The following CEMIP variants were observed in gnomAD, a reference collection of about 807,000 sequenced individuals.
CEMIP encodes cell migration-inducing and hyaluronan-binding protein.
CEMIP carries 105 observed loss-of-function variants against 156.9 expected under a neutral mutation model. That is an observed-to-expected ratio of 0.67 (90% confidence interval 0.57 to 0.79). The LOEUF is 0.79. Among genes scored for constraint, CEMIP ranks in the 30% least tolerant of loss-of-function variants. The pLI, the probability that CEMIP is intolerant of heterozygous loss-of-function variation, is 0.00. For missense variants in CEMIP, 1,457 were observed against 1,769.4 expected, an observed-to-expected ratio of 0.82 and a Z score of 3.17; for synonymous variants, 676 against 668.4, an observed-to-expected ratio of 1.01 and a Z score of -0.17.
At chr15:80,918,251 G>C (rs1010462522) in intron 14 of CEMIP, among the ~76,000 whole-genome samples, 1 of 152,008 alleles carries the variant, frequency 6.6e-6, no homozygotes, top group African/African-American at 2.4e-5. Context: ...CTCCAGCCTA[G>C]GCAACAGAGC....
intron 12 of CEMIP, among the ~76,000 whole-genome samples, chr15:80,900,473 C>G (rs1451403312): frequency 4.6e-5 from 7 of 152,114 alleles, no homozygotes; most frequent in African/African-American, 1.7e-4. Context: ...ACCTCCCTCC[C>G]TGAAGGACAT....
intron 12 of CEMIP, chr15:80,896,424 C>A: frequency 2.1e-6 from 1 of 478,720 alleles, no homozygotes; most frequent in East Asian, 6.2e-5. Context: ...CATTCTCACA[C>A]ATTCCATTGG....
chr15:80,931,102 G>A (rs1900895858), intron 21 of CEMIP, among the ~76,000 whole-genome samples: 3 of 152,162 alleles, frequency 2.0e-5, no homozygotes, highest in African/African-American at 7.2e-5. Flanking sequence ...TTCTTGTCCA[G>A]TCTCTCCTAC....
intron 1 of CEMIP, among the ~76,000 whole-genome samples, chr15:80,794,212 AT>A (rs1323736508): frequency 2.0e-5 from 3 of 152,182 alleles, no homozygotes; most frequent in Admixed American, 1.3e-4. Flanking sequence ...CAAATCAGAA[AT>A]TTCTCCCTCA....
intron 19 of CEMIP, among the ~76,000 whole-genome samples, chr15:80,928,534 G>A (rs1900780996): frequency 6.6e-6 from 1 of 152,190 alleles, no homozygotes; most frequent in South Asian, 2.1e-4. Context: ...TGCTGGTCCT[G>A]AGAGCGGAAG....
chr15:80,936,832 C>T lies in CEMIP; in HGVS notation c.3168C>T (p.His1056=). 1.9e-6 allele frequency: 3 copies of T among 1,614,188 alleles called. No homozygotes were observed. Among genetic ancestry groups the T allele is most frequent in the Non-Finnish European group, 1.7e-6 (2 of 1,180,044 alleles). The change falls in exon 24 of 30, where the codon CAC becomes CAT. Residue 1056 remains histidine, a synonymous_variant. Transcript: ENST00000394685. ...CCCTGCAGAAGGGCTACACCATCCA[C>T]TGGGACCAGACGGCCCCCGCCGAAC... is the stretch of plus-strand genomic sequence containing the variant. The part of the protein sequence containing the change: ...VVTLQKGYTI[H]WDQTAPAELA...
chr15:80,800,469 A>G (rs1376480064), intron 1 of CEMIP, among the ~76,000 whole-genome samples: 2 of 152,154 alleles, frequency 1.3e-5, no homozygotes, highest in East Asian at 1.9e-4. Context: ...ACGTCTTCCC[A>G]CAGCTGGGGT....
At chr15:80,876,300 G>A (rs905978376) in intron 3 of CEMIP, among the ~76,000 whole-genome samples, 3 of 152,170 alleles carry the variant, frequency 2.0e-5, no homozygotes, top group African/African-American at 4.8e-5. Flanking sequence ...CCAGCAGTGG[G>A]TTTCACAGCC....
In CEMIP at chr15:80,906,971, G is replaced by T; in HGVS notation, c.1587+133G>T. ...GGGATCAAGGGGAGGGCGCCTTCTG[G>T]AAGTTTGAGAAGTCTTATGTATTAT... On this transcript the variant is annotated intron_variant, in intron 13 of 29. Transcript: ENST00000394685. The surrounding 1 kb of genome is among the most constrained non-coding windows in gnomAD (Gnocchi z 4.3). 2 of 890,904 alleles carry T rather than the reference G, an allele frequency of 2.2e-6. No individual in the cohort carries two copies. Among genetic ancestry groups the T allele is most frequent in the Non-Finnish European group, 3.6e-6 (2 of 558,248 alleles). 55.2% of individuals were successfully genotyped at this position (890,904 alleles called of 1,614,324 possible). A position where few individuals can be genotyped will look rare whatever the true frequency, so the allele number is the denominator to read the frequency against.
chr15:80,889,551 G>T lies in CEMIP; in HGVS notation c.1045G>T (p.Ala349Ser). ...GGAGAAAATTTCAGACCTCTGGAAA[G>T]CTCACCCAGGAAAAATATGCAATCG... ...GGEKISDLWKAHPGKICNRPI... is the reference protein window; with the variant it reads ...GGEKISDLWKSHPGKICNRPI... The change falls in exon 10 of 30, where the codon GCT becomes TCT. Residue 349 changes from alanine to serine, a missense_variant. By Grantham distance (99) the Ala-to-Ser change is moderately conservative. Around this residue, in one of 5 missense-constraint regions of CEMIP, gnomAD observed 280 missense variants for 300.3 expected, o/e 0.93. Transcript: ENST00000394685. 6.2e-7 allele frequency: 1 copy of T among 1,614,190 alleles called. No homozygotes were observed. The highest frequency in any genetic ancestry group is 1.7e-5 in the Admixed American group (1 of 60,026).
intron 24 of CEMIP, among the ~76,000 whole-genome samples, chr15:80,937,137 A>G (rs746916389): frequency 5.9e-5 from 9 of 152,202 alleles, no homozygotes; most frequent in Non-Finnish European, 1.3e-4. Flanking sequence ...AGTTGAGGAT[A>G]GTATTACCTT....
chr15:80,823,858 G>T (rs1896965990), intron 1 of CEMIP, among the ~76,000 whole-genome samples: 1 of 152,210 alleles, frequency 6.6e-6, no homozygotes, highest in Admixed American at 6.5e-5. Flanking sequence ...CCCAACAGAA[G>T]GCCAGGTGTG....
At position 80,947,044 on chromosome 15, in the gene CEMIP, G is replaced by C. The variant is rs1332108272; in HGVS notation, c.3937G>C (p.Asp1313His). ...CAGAGTGCTGGAAAAGCTTGGGGCA[G>C]ACAGGGGTCTCAAGTTGAAAGGTAA... The part of the protein sequence containing the change: ...WTRVLEKLGA[D>H]RGLKLKEQMA... The change falls in exon 29 of 30, where the codon GAC becomes CAC. Residue 1313 changes from aspartate to histidine, a missense_variant. This residue lies in a region of CEMIP where 798 missense variants were observed against 980.1 expected (regional missense o/e 0.81). Transcript: ENST00000394685. The C allele has an allele frequency of 6.8e-6, 11 of 1,613,488 alleles. No homozygotes were observed. The highest frequency in any genetic ancestry group is 8.5e-6 in the Non-Finnish European group (10 of 1,179,506).
intron 5 of CEMIP, among the ~76,000 whole-genome samples, chr15:80,880,511 A>C (rs1288332464): frequency 6.6e-6 from 1 of 152,154 alleles, no homozygotes; most frequent in Non-Finnish European, 1.5e-5. Flanking sequence ...AGCTCAGTTC[A>C]CCACAACCTC....
At chr15:80,948,620 C>A in intron 29 of CEMIP, 177 bp from the exon 30 acceptor site, 3 of 833,176 alleles carry the variant, frequency 3.6e-6, no homozygotes, top group Non-Finnish European at 2.0e-6. Context: ...CCCATACAAA[C>A]ACATGTCAGG....
Position 80,948,254 on chromosome 15 carries a change from G to A in CEMIP, c.3959-543G>A, listed in dbSNP as rs527806434. On this transcript the variant is annotated intron_variant, in intron 29 of 29. Transcript: ENST00000394685. ...ATGCTCAAGCTGTGAACTGCAAGATGGAGAGTGCTGTGTGGGTTTCAGGGG... is the reference window on the plus strand; with the variant it reads ...ATGCTCAAGCTGTGAACTGCAAGATAGAGAGTGCTGTGTGGGTTTCAGGGG... 40 of 190,798 alleles carry A rather than the reference G, an allele frequency of 2.1e-4. 1 individual carries two copies. Among genetic ancestry groups the A allele is most frequent in the African/African-American group, 9.2e-4 (40 of 43,396 alleles). 11.8% of individuals were successfully genotyped at this position (190,798 alleles called of 1,614,324 possible).
At chr15:80,840,045 G>C (rs574275209) in intron 1 of CEMIP, among the ~76,000 whole-genome samples, 2 of 152,144 alleles carry the variant, frequency 1.3e-5, no homozygotes, top group African/African-American at 2.4e-5. Context: ...CCTCTAAGGG[G>C]CCCCCCAGGC....
intron 14 of CEMIP, among the ~76,000 whole-genome samples, chr15:80,914,228 G>A (rs1900177478): frequency 6.6e-6 from 1 of 152,194 alleles, no homozygotes; most frequent in Non-Finnish European, 1.5e-5. Flanking sequence ...GGAAAGTAAT[G>A]GAATGGTCCA....
intron 1 of CEMIP, among the ~76,000 whole-genome samples, chr15:80,850,953 C>A (rs374051110): frequency 6.6e-6 from 1 of 152,152 alleles, no homozygotes; most frequent in East Asian, 1.9e-4. Context: ...GGGAACAGGG[C>A]AGCTGATGGG....
Sources: allele counts gnomAD v4.1 joint callset (sites outside exome capture counted in the v4.1 genomes callset), GRCh38; gene constraint gnomAD v4.1.1; regional missense constraint gnomAD v4.1.1; non-coding constraint Gnocchi (gnomAD v3.1); transcripts MANE v1.5; gene names NCBI Gene and HGNC (gene_info 2026-07-23, HGNC 2026-07-21).